STAG1: variants seen among roughly 807,000 people sequenced by gnomAD.
STAG1 encodes the protein STAG1 cohesin complex component.
A neutral mutation model predicts 170.9 loss-of-function variants in STAG1; 26 were observed. The ratio of observed to expected loss-of-function variants is 0.15; its 90% CI spans 0.11 to 0.21. STAG1 has a LOEUF of 0.21. Among genes scored for constraint, STAG1 ranks in the 10% least tolerant of loss-of-function variants. STAG1 has a pLI of 1.00. For synonymous variants in STAG1, 514 were observed against 497.7 expected (o/e 1.03, Z -0.44); for missense variants, 964 against 1,509.5 (o/e 0.64, Z 5.99).
intron 1 of STAG1, among the ~76,000 whole-genome samples, chr3:136,751,597 C>A (rs1935243012): frequency 6.6e-6 from 1 of 152,098 alleles, no homozygotes; most frequent in African/African-American, 2.4e-5. Flanking sequence ...CCAGCCGCCA[C>A]CCCGCTGCCC....
intron 7 of STAG1, among the ~76,000 whole-genome samples, chr3:136,504,533 A>C (rs889875882): frequency 1.3e-5 from 2 of 152,232 alleles, no homozygotes; most frequent in African/African-American, 4.8e-5. Context: ...AATAATTTGT[A>C]AAATTAAACT....
At chr3:136,688,340 T>C (rs1337951802) in intron 1 of STAG1, among the ~76,000 whole-genome samples, 2 of 152,166 alleles carry the variant, frequency 1.3e-5, no homozygotes, top group Admixed American at 1.3e-4. Context: ...GTGTTTCAGA[T>C]CTTCATCTAC....
chr3:136,649,380 G>A (rs1171990598), intron 1 of STAG1, among the ~76,000 whole-genome samples: 1 of 151,906 alleles, frequency 6.6e-6, no homozygotes, highest in Non-Finnish European at 1.5e-5. Context: ...TCTGGAGGCT[G>A]AGGCATGAGA....
chr3:136,731,908 G>A (rs1297369897), intron 1 of STAG1, among the ~76,000 whole-genome samples: 1 of 152,138 alleles, frequency 6.6e-6, no homozygotes, highest in Non-Finnish European at 1.5e-5. Flanking sequence ...CCAATAAACA[G>A]ACGGGAGGTG....
intron 1 of STAG1, among the ~76,000 whole-genome samples, chr3:136,730,427 C>T (rs1307819739): frequency 6.6e-6 from 1 of 152,192 alleles, no homozygotes; most frequent in Non-Finnish European, 1.5e-5. Flanking sequence ...GACTCAACCA[C>T]TTTCCAGCTA....
At chr3:136,635,999 G>A (rs1362801717) in intron 1 of STAG1, among the ~76,000 whole-genome samples, 2 of 152,206 alleles carry the variant, frequency 1.3e-5, no homozygotes, top group East Asian at 3.8e-4. Flanking sequence ...TGTAATCCCA[G>A]CACTTTGGGA....
At chr3:136,393,076 T>G (rs534994520) in intron 22 of STAG1, among the ~76,000 whole-genome samples, 4 of 152,170 alleles carry the variant, frequency 2.6e-5, no homozygotes. Flanking sequence ...TCCCTCACTG[T>G]CTAAATGACC....
intron 1 of STAG1, among the ~76,000 whole-genome samples, chr3:136,674,663 G>GT (rs1246590730): frequency 2.6e-5 from 4 of 152,238 alleles, no homozygotes; most frequent in African/African-American, 9.6e-5. Flanking sequence ...AAATAAAGTT[G>GT]TTTTTTAAAA....
chr3:136,736,316 G>A (rs1934331095), intron 1 of STAG1, among the ~76,000 whole-genome samples: 1 of 152,060 alleles, frequency 6.6e-6, no homozygotes, highest in African/African-American at 2.4e-5. Context: ...TTTAAACCAA[G>A]CCCCGCATTT....
rs368514911 is a variant in STAG1, at chr3:136,698,571, C to A, written c.-84+53624G>T. Among the ~76,000 whole-genome samples the A allele has an allele frequency of 3.3e-4, 50 of 152,244 alleles. No homozygotes were observed. In the East Asian group the frequency reaches 9.6e-3, roughly 29 times the overall value. The stretch of plus-strand genomic sequence containing the variant: ...GGAATGTAAACTACTACAACCACTA[C>A]GGAAAACGGTATGGAGATTACTTAA... On this transcript the variant is annotated intron_variant, in intron 1 of 33. Coordinates refer to ENST00000383202, the MANE Select transcript of STAG1 (RefSeq NM_005862.3).
At chr3:136,654,042 T>C (rs1254217425) in intron 1 of STAG1, among the ~76,000 whole-genome samples, 1 of 152,190 alleles carries the variant, frequency 6.6e-6, no homozygotes, top group African/African-American at 2.4e-5. Flanking sequence ...AACTCAATTC[T>C]GAAAGACTGA....
chr3:136,397,132 A>G (rs1022005684), intron 22 of STAG1, among the ~76,000 whole-genome samples: 25 of 152,240 alleles, frequency 1.6e-4, no homozygotes, highest in African/African-American at 6.0e-4. Context: ...AAGAGGAGAT[A>G]CACAAACATA....
rs114730993 is a variant in STAG1 at position 136,629,791 on chromosome 3, C to T, written c.29+1079G>A. Among the ~76,000 whole-genome samples, 1,094 of 152,192 alleles carry T rather than the reference C, an allele frequency of 7.2e-3. 20 individuals are homozygous for T. Among genetic ancestry groups the T allele is most frequent in the African/African-American group, 0.024 (986 of 41,516 alleles). ...GCTCATCACTTTTATTATATCTAAA[C>T]CATTGTTATACAGAATCAAAGTATG... On this transcript the variant is annotated intron_variant, in intron 2 of 33. Transcript: ENST00000383202.
intron 9 of STAG1, among the ~76,000 whole-genome samples, chr3:136,485,414 G>A (rs186544581): frequency 2.0e-5 from 3 of 152,146 alleles, no homozygotes; most frequent in East Asian, 3.9e-4. Flanking sequence ...CCGAGATCAC[G>A]CCACTGCACT....
intron 1 of STAG1, among the ~76,000 whole-genome samples, chr3:136,653,743 C>T (rs1576719563): frequency 6.6e-6 from 1 of 152,194 alleles, no homozygotes; most frequent in East Asian, 1.9e-4. Context: ...AAAAATACAA[C>T]CCAAAAAAGT....
At chr3:136,739,593 G>C (rs1009563762) in intron 1 of STAG1, among the ~76,000 whole-genome samples, 1 of 151,594 alleles carries the variant, frequency 6.6e-6, no homozygotes, top group Non-Finnish European at 1.5e-5. Context: ...GGTCAAGGCA[G>C]AGGATTGCCT....
In STAG1 at chr3:136,610,821, AAT is replaced by A. The variant is rs1290812408; in HGVS notation, c.133-6350_133-6349del. Among the ~76,000 whole-genome samples the A allele has an allele frequency of 2.6e-5, 4 of 152,206 alleles. No individual in the cohort carries two copies. In the East Asian group the frequency reaches 7.7e-4, roughly 29 times the overall value. Reference sequence around the variant, plus strand: ...CAAATGCTTGGTGTTGTGTATGCACAATTAATGGTTATCATGGAGAATAGTTT... The same window carrying A: ...CAAATGCTTGGTGTTGTGTATGCACATAATGGTTATCATGGAGAATAGTTT... On this transcript the variant is annotated intron_variant, in intron 3 of 33. Coordinates refer to ENST00000383202, the MANE Select transcript of STAG1 (RefSeq NM_005862.3).
chr3:136,399,337 C>A (rs1191080733), intron 21 of STAG1, among the ~76,000 whole-genome samples: 3 of 152,024 alleles, frequency 2.0e-5, no homozygotes, highest in African/African-American at 7.2e-5. Context: ...TAAAACATTG[C>A]CAGCACCTCC....
chr3:136,377,386 C>CAAAAAAAAAAAAAAAAAAA (rs57934830), intron 23 of STAG1, among the ~76,000 whole-genome samples: 1 of 42,572 alleles, frequency 2.3e-5, no homozygotes, highest in African/African-American at 1.2e-4. Context: ...GACTCTGTCT[C>CAAAAAAAAAAAAAAAAAAA]AAAAAAAAAA....
Sources: allele counts gnomAD v4.1 joint callset (sites outside exome capture counted in the v4.1 genomes callset), GRCh38; gene constraint gnomAD v4.1.1; transcripts MANE v1.5; gene names NCBI Gene and HGNC (gene_info 2026-07-23, HGNC 2026-07-21).